Variants in WWOX observed in about 807,000 individuals in gnomAD.
WWOX encodes WW domain-containing oxidoreductase.
WWOX carries 69 observed loss-of-function variants against 46.2 expected under a neutral mutation model. The observed-to-expected ratio is 1.49, with a 90% CI of 1.23 to 1.82. The LOEUF is 1.82. Ranked by LOEUF, WWOX falls within the 40% of genes most tolerant of loss-of-function variation. WWOX has a pLI of 0.00. For synonymous variants in WWOX, 359 were observed against 202.6 expected (o/e 1.77, Z -6.56); for missense variants, 919 against 542.6 (o/e 1.69, Z -6.89).
chr16:78,473,099 T>C (rs1217474533), intron 8 of WWOX, among the ~76,000 whole-genome samples: 1 of 152,174 alleles, frequency 6.6e-6, no homozygotes, highest in Admixed American at 6.5e-5. Context: ...AAGTAAAGTT[T>C]TATAGGAACA....
intron 5 of WWOX, among the ~76,000 whole-genome samples, chr16:78,376,480 G>T (rs1371535276): frequency 6.6e-6 from 1 of 152,138 alleles, no homozygotes; most frequent in Non-Finnish European, 1.5e-5. Context: ...ATCAACTTCT[G>T]TATTATTTGT....
chr16:78,709,755 ATC>A (rs1196169457), intron 8 of WWOX, among the ~76,000 whole-genome samples: 7 of 148,770 alleles, frequency 4.7e-5, no homozygotes, highest in African/African-American at 1.7e-4. Context: ...TTTTGTGATA[ATC>A]TCTCTCTGTC....
At chr16:78,485,795 T>G (rs1379850160) in intron 8 of WWOX, among the ~76,000 whole-genome samples, 1 of 152,152 alleles carries the variant, frequency 6.6e-6, no homozygotes, top group Non-Finnish European at 1.5e-5. Context: ...CTTCATACAT[T>G]ATTGAGAGCA....
At chr16:78,706,413 C>T (rs1351670802) in intron 8 of WWOX, among the ~76,000 whole-genome samples, 1 of 152,138 alleles carries the variant, frequency 6.6e-6, no homozygotes, top group African/African-American at 2.4e-5. Context: ...CATCCTGAGC[C>T]TTCCCGATTC....
At chr16:79,055,579 A>G (rs558126484) in intron 8 of WWOX, among the ~76,000 whole-genome samples, 6 of 152,068 alleles carry the variant, frequency 3.9e-5, no homozygotes, top group African/African-American at 1.4e-4. Flanking sequence ...CCCATTCCCC[A>G]CCTCAAGGCC....
intron 8 of WWOX, among the ~76,000 whole-genome samples, chr16:78,694,491 G>C (rs1033867950): frequency 6.6e-6 from 1 of 152,022 alleles, no homozygotes; most frequent in Non-Finnish European, 1.5e-5. Context: ...CCATTGCTTT[G>C]CTCCAGTATC....
At chr16:78,988,769 C>T (rs1327813255) in intron 8 of WWOX, among the ~76,000 whole-genome samples, 3 of 152,144 alleles carry the variant, frequency 2.0e-5, no homozygotes, top group South Asian at 4.1e-4. Flanking sequence ...AGAGAAAGAC[C>T]GGTGGCTGTA....
intron 4 of WWOX, among the ~76,000 whole-genome samples, chr16:78,119,467 G>T (rs1358412697): frequency 6.6e-6 from 1 of 152,112 alleles, no homozygotes; most frequent in East Asian, 1.9e-4. Context: ...CTTCTAATGA[G>T]GGATTAGTTG....
intron 5 of WWOX, among the ~76,000 whole-genome samples, chr16:78,176,504 C>A (rs536449287): frequency 6.6e-6 from 1 of 152,286 alleles, no homozygotes; most frequent in South Asian, 2.1e-4. Context: ...TCTAATTGTT[C>A]CGACTACAAT....
At chr16:78,293,823 A>T (rs991125257) in intron 5 of WWOX, among the ~76,000 whole-genome samples, 1 of 151,702 alleles carries the variant, frequency 6.6e-6, no homozygotes. Flanking sequence ...TAAAAATACA[A>T]AAATTAGCCA....
chr16:78,591,344 G>A (rs1286804783), intron 8 of WWOX, among the ~76,000 whole-genome samples: 1 of 152,128 alleles, frequency 6.6e-6, no homozygotes, highest in Non-Finnish European at 1.5e-5. Context: ...CTCAAATGAA[G>A]CATCTGGGAC....
At chr16:78,847,565 C>T (rs1336183379) in intron 8 of WWOX, among the ~76,000 whole-genome samples, 2 of 151,980 alleles carry the variant, frequency 1.3e-5, no homozygotes, top group African/African-American at 2.4e-5. Flanking sequence ...AAGTCCTGGG[C>T]TCAAGCGATT....
chr16:78,981,238 A>G (rs557628727), intron 8 of WWOX, among the ~76,000 whole-genome samples: 1 of 151,334 alleles, frequency 6.6e-6, no homozygotes, highest in African/African-American at 2.4e-5. Context: ...ACATCTCCCA[A>G]CTCTGCCCTC....
intron 8 of WWOX, among the ~76,000 whole-genome samples, chr16:78,862,712 A>G (rs2151193599): frequency 6.6e-6 from 1 of 152,212 alleles, no homozygotes; most frequent in Non-Finnish European, 1.5e-5. Context: ...CTCAGCTTGA[A>G]GTCAGGCATA....
intron 2 of WWOX, among the ~76,000 whole-genome samples, chr16:78,109,067 G>T (rs148937526): frequency 1.6e-4 from 24 of 152,232 alleles, no homozygotes; most frequent in Admixed American, 4.6e-4. Flanking sequence ...TTTTCCTATC[G>T]TTGCAGTGTT....
chr16:78,430,671 T>C lies in WWOX; in HGVS notation c.792-1817T>C, dbSNP rs531860457. ...CTTGGAAGTCAGACTCTTCCTGTGG[T>C]TTGGGTACTAGAAAAAAGGCAGCCA... On this transcript the variant is annotated intron_variant, in intron 7 of 8. Coordinates refer to ENST00000566780, the MANE Select transcript of WWOX (RefSeq NM_016373.4). Among the ~76,000 whole-genome samples, 9 of 152,238 alleles carry C rather than the reference T, an allele frequency of 5.9e-5. No individual in the cohort carries two copies. In the East Asian group the frequency reaches 1.4e-3, roughly 23 times the overall value.
At position 78,422,075 on chromosome 16, in the gene WWOX, C is replaced by T. The variant is rs371917456; in HGVS notation, c.606-2795C>T. Among the ~76,000 whole-genome samples the T allele has an allele frequency of 1.5e-4, 23 of 152,220 alleles. No homozygotes were observed. In the East Asian group the frequency reaches 1.9e-3, roughly 13 times the overall value. On this transcript the variant is annotated intron_variant, in intron 6 of 8. Transcript: ENST00000566780. ...GTGTAGTTGGACGTGTTAAATATTGCAATGGTTATTTGTAATCTACCTTTA... is the reference window on the plus strand; with the variant it reads ...GTGTAGTTGGACGTGTTAAATATTGTAATGGTTATTTGTAATCTACCTTTA...
chr16:79,001,767 G>C (rs947625909), intron 8 of WWOX, among the ~76,000 whole-genome samples: 15 of 152,184 alleles, frequency 9.9e-5, no homozygotes, highest in Non-Finnish European at 7.4e-5. Flanking sequence ...TGGGAAGTTG[G>C]AGAAAGTACA....
At chr16:78,995,253 C>G (rs1402392597) in intron 8 of WWOX, among the ~76,000 whole-genome samples, 1 of 152,060 alleles carries the variant, frequency 6.6e-6, no homozygotes, top group Non-Finnish European at 1.5e-5. Context: ...TGCACTGAAG[C>G]TTTTAGCAGG....
Sources: allele counts gnomAD v4.1 joint callset (sites outside exome capture counted in the v4.1 genomes callset), GRCh38; gene constraint gnomAD v4.1.1; transcripts MANE v1.5; gene names NCBI Gene and HGNC (gene_info 2026-07-23, HGNC 2026-07-21).